The following NRXN3 variants were observed in gnomAD, a reference collection of about 807,000 sequenced individuals.
NRXN3 encodes the protein neurexin III.
In NRXN3, 32 loss-of-function variants were observed where a neutral mutation model predicts 137.6. The ratio of observed to expected loss-of-function variants is 0.23; its 90% CI spans 0.18 to 0.31. The LOEUF (loss-of-function observed/expected upper bound fraction) is 0.31. Ranked by LOEUF, NRXN3 falls within the 10% of genes least tolerant of loss-of-function variation. The pLI, the probability that NRXN3 is intolerant of heterozygous loss-of-function variation, is 1.00. For synonymous variants in NRXN3, 798 were observed against 784.5 expected (o/e 1.02, Z -0.29); for missense variants, 1,574 against 2,062.5 (o/e 0.76, Z 4.59).
intron 10 of NRXN3, among the ~76,000 whole-genome samples, chr14:78,908,126 A>G (rs1352808749): frequency 6.6e-6 from 1 of 152,016 alleles, no homozygotes; most frequent in African/African-American, 2.4e-5. Context: ...GTCTTTTGAT[A>G]AGAAATAACA....
intron 16 of NRXN3, among the ~76,000 whole-genome samples, chr14:79,597,276 C>T (rs1031782879): frequency 1.3e-5 from 2 of 152,092 alleles, no homozygotes; most frequent in African/African-American, 4.8e-5. Context: ...ACTAAAAGTC[C>T]TTTGCCAACA....
chr14:79,230,668 C>T (rs2072009089), intron 15 of NRXN3, among the ~76,000 whole-genome samples: 1 of 152,076 alleles, frequency 6.6e-6, no homozygotes, highest in African/African-American at 2.4e-5. Flanking sequence ...AATTAGTATC[C>T]TAATTAATTC....
chr14:78,224,941 T>A (rs926409153), intron 1 of NRXN3, among the ~76,000 whole-genome samples: 2 of 131,158 alleles, frequency 1.5e-5, no homozygotes, highest in Non-Finnish European at 3.3e-5. Flanking sequence ...TAATTTTTTG[T>A]ATTTTTAGTA....
intron 15 of NRXN3, among the ~76,000 whole-genome samples, chr14:78,997,735 A>G (rs748346031): frequency 2.0e-5 from 3 of 152,220 alleles, no homozygotes; most frequent in Non-Finnish European, 4.4e-5. Context: ...ATACCCAAGT[A>G]ACCAACACCA....
intron 8 of NRXN3, among the ~76,000 whole-genome samples, chr14:78,733,387 T>C (rs1032568277): frequency 1.3e-5 from 2 of 152,130 alleles, no homozygotes; most frequent in African/African-American, 4.8e-5. Flanking sequence ...TAGACTTATA[T>C]TTTGTGTTTA....
chr14:78,650,951 A>G (rs2097736163), intron 5 of NRXN3, among the ~76,000 whole-genome samples: 3 of 152,344 alleles, frequency 2.0e-5, no homozygotes, highest in Admixed American at 6.5e-5. Flanking sequence ...AAAGTCATCC[A>G]TGAGTCTGCA....
chr14:78,615,019 G>T (rs139533487), intron 4 of NRXN3: 3 of 456,480 alleles, frequency 6.6e-6, no homozygotes, highest in East Asian at 7.0e-5. Flanking sequence ...ACTTCCACCG[G>T]GATCTTGACG....
At chr14:78,675,493 T>C (rs1321046955) in intron 6 of NRXN3, among the ~76,000 whole-genome samples, 1 of 152,206 alleles carries the variant, frequency 6.6e-6, no homozygotes. Context: ...CTCTAAATTT[T>C]TTCAGCAGTT....
At chr14:78,948,919 G>T (rs559991601) in intron 10 of NRXN3, among the ~76,000 whole-genome samples, 13 of 152,186 alleles carry the variant, frequency 8.5e-5, no homozygotes, top group African/African-American at 2.9e-4. Context: ...GCTGACTAGG[G>T]TTTGAGTCCC....
intron 6 of NRXN3, among the ~76,000 whole-genome samples, chr14:78,689,759 C>A (rs1478320228): frequency 1.3e-5 from 2 of 151,866 alleles, no homozygotes; most frequent in African/African-American, 4.8e-5. Context: ...TTATTGACAC[C>A]CCTTCTCTGG....
intron 15 of NRXN3, among the ~76,000 whole-genome samples, chr14:79,364,697 C>T (rs1218406177): frequency 6.6e-6 from 1 of 152,152 alleles, no homozygotes; most frequent in East Asian, 1.9e-4. Context: ...AGAGAGCCCT[C>T]AAAAATATAT....
chr14:78,718,392 A>G (rs1255422049), intron 8 of NRXN3, among the ~76,000 whole-genome samples: 1 of 152,116 alleles, frequency 6.6e-6, no homozygotes, highest in Non-Finnish European at 1.5e-5. Flanking sequence ...TGAAAACTGG[A>G]GTTTTCATGG....
At chr14:79,229,769 T>C (rs1311825572) in intron 15 of NRXN3, among the ~76,000 whole-genome samples, 1 of 152,098 alleles carries the variant, frequency 6.6e-6, no homozygotes, top group African/African-American at 2.4e-5. Context: ...TCTCTGTCTT[T>C]TTCCTCCTTT....
intron 15 of NRXN3, among the ~76,000 whole-genome samples, chr14:79,401,901 T>A (rs947417662): frequency 2.0e-4 from 31 of 151,882 alleles, no homozygotes; most frequent in African/African-American, 7.5e-4. Context: ...ATCACATCAT[T>A]TTTTGTCTTT....
At chr14:79,375,823 A>C (rs928881880) in intron 15 of NRXN3, among the ~76,000 whole-genome samples, 2 of 151,968 alleles carry the variant, frequency 1.3e-5, no homozygotes, top group East Asian at 1.9e-4. Context: ...AATTTTAAAA[A>C]TCCATACATC....
chr14:78,523,462 G>T (rs1350973889), intron 4 of NRXN3, among the ~76,000 whole-genome samples: 1 of 151,918 alleles, frequency 6.6e-6, no homozygotes, highest in African/African-American at 2.4e-5. Flanking sequence ...TTAACTCTAG[G>T]CAGTGGTAAA....
chr14:79,054,690 C>T (rs971237328), intron 15 of NRXN3, among the ~76,000 whole-genome samples: 1 of 152,156 alleles, frequency 6.6e-6, no homozygotes, highest in African/African-American at 2.4e-5. Flanking sequence ...ATTCTAAACA[C>T]TTGGATATAG....
chr14:79,225,532 G>C (rs1000935434), intron 15 of NRXN3, among the ~76,000 whole-genome samples: 1 of 152,024 alleles, frequency 6.6e-6, no homozygotes, highest in Admixed American at 6.6e-5. Flanking sequence ...GGCAACCTTT[G>C]CAATTTAAAA....
At chr14:79,088,704 CACTT>C (rs1388443318) in intron 15 of NRXN3, among the ~76,000 whole-genome samples, 25 of 152,096 alleles carry the variant, frequency 1.6e-4, no homozygotes, top group South Asian at 6.2e-4. Flanking sequence ...AACATATAAA[CACTT>C]ACTTTTTACT....
Sources: allele counts gnomAD v4.1 joint callset (sites outside exome capture counted in the v4.1 genomes callset), GRCh38; gene constraint gnomAD v4.1.1; transcripts MANE v1.5; gene names NCBI Gene and HGNC (gene_info 2026-07-23, HGNC 2026-07-21).